PABIR3: variants seen among roughly 807,000 people sequenced by gnomAD.
PABIR3 encodes the protein PABIR family member 1.
PABIR3 carries 20 observed loss-of-function variants against 23.1 expected under a neutral mutation model. The ratio of observed to expected loss-of-function variants is 0.86; its 90% confidence interval spans 0.61 to 1.26. The LOEUF (loss-of-function observed/expected upper bound fraction) is 1.26, where lower values mean the gene tolerates loss of function less well. PABIR3 is among the 50% of genes most tolerant of loss of function. The pLI is 0.00. For synonymous variants in PABIR3, 69 were observed against 68.5 expected (o/e 1.01, Z -0.04); for missense variants, 189 against 195.4 (o/e 0.97, Z 0.20).
intron 3 of PABIR3, among the ~76,000 whole-genome samples, chrX:134,817,449 C>T (rs2081046495): frequency 9.6e-6 from 1 of 104,111 alleles, no homozygotes; most frequent in Non-Finnish European, 2.0e-5. Context: ...GTTTAGGACC[C>T]ACTATGTATT....
chrX:134,855,611 G>A (rs1261084509), downstream of PABIR3, among the ~76,000 whole-genome samples: 3 of 110,568 alleles, frequency 2.7e-5, no homozygotes, highest in African/African-American at 9.8e-5. Flanking sequence ...TCTTTTCATC[G>A]GAAAGAATCA....
At chrX:134,810,578 C>T in intron 2 of PABIR3, 1 of 753,349 alleles carries the variant, frequency 1.3e-6, no homozygotes, top group Non-Finnish European at 1.6e-6. Context: ...AAATGTAGGG[C>T]ATAGTCAGAG....
intron 3 of PABIR3, among the ~76,000 whole-genome samples, chrX:134,825,229 C>T (rs934395117): frequency 1.8e-5 from 2 of 111,880 alleles, no homozygotes; most frequent in Non-Finnish European, 3.8e-5. Context: ...GGACAGATAG[C>T]CTAGTTTTAT....
the PABIR3 span, among the ~76,000 whole-genome samples, chrX:134,863,242 C>T: frequency 9.0e-6 from 1 of 110,709 alleles, no homozygotes; most frequent in African/African-American, 3.3e-5. Context: ...AGGAGCAGGA[C>T]TGAAATAATA....
chrX:134,808,760 G>A (rs1378372333), intron 2 of PABIR3, among the ~76,000 whole-genome samples: 3 of 111,391 alleles, frequency 2.7e-5, no homozygotes, highest in Non-Finnish European at 3.8e-5. Context: ...CAGGGGATCC[G>A]CCTGCCTCAG....
the PABIR3 span, among the ~76,000 whole-genome samples, chrX:134,862,652 C>G: frequency 8.9e-6 from 1 of 111,761 alleles, no homozygotes. Flanking sequence ...CTTGTGTAAT[C>G]AAGAAACAAT....
At chrX:134,814,493 T>A (rs2080856765) in intron 2 of PABIR3, among the ~76,000 whole-genome samples, 2 of 109,647 alleles carry the variant, frequency 1.8e-5, no homozygotes, top group African/African-American at 6.6e-5. Context: ...AGGTCAGGAG[T>A]TCAAGACCAG....
chrX:134,809,886 A>G (rs1053183289), intron 2 of PABIR3: 27 of 752,682 alleles, frequency 3.6e-5, no homozygotes, highest in Non-Finnish European at 4.2e-5. Flanking sequence ...TCACAAAATG[A>G]AAAGCAAACT....
At position 134,847,424 on chromosome X, in the gene PABIR3, T is replaced by C; in HGVS notation, c.387T>C (p.Ile129=). ...AGAAATCATCCTCTCTAAAGTGCAT[T>C]GATTTAACTCCAGTATCCTCAATGG... The part of the protein sequence containing the change: ...GLQKSSSLKC[I]DLTPVSSMAS... Residue 129 remains isoleucine, a synonymous_variant, in exon 7 of 11, where the codon ATT becomes ATC. Transcript: ENST00000645433. 2 of 1,209,131 alleles carry C rather than the reference T, an allele frequency of 1.7e-6. No individual in the cohort carries two copies. The highest frequency in any genetic ancestry group is 3.0e-5 in the East Asian group (1 of 33,806).
At chrX:134,842,239 T>C (rs1475140632) in intron 4 of PABIR3, among the ~76,000 whole-genome samples, 2 of 112,235 alleles carry the variant, frequency 1.8e-5, no homozygotes, top group Non-Finnish European at 3.8e-5. Flanking sequence ...TTTTCAGATA[T>C]ATGATTTGCA....
chrX:134,855,314 A>G (rs936611142), downstream of PABIR3, among the ~76,000 whole-genome samples: 2 of 109,069 alleles, frequency 1.8e-5, no homozygotes, highest in Non-Finnish European at 3.8e-5. Context: ...GGCGCCTGTA[A>G]TCCCAGCTAC....
intron 3 of PABIR3, among the ~76,000 whole-genome samples, chrX:134,828,136 G>A (rs2148247931): frequency 9.5e-6 from 1 of 105,089 alleles, no homozygotes; most frequent in African/African-American, 3.5e-5. Flanking sequence ...GGCCTCAAGT[G>A]ATCCTCTCAA....
intron 2 of PABIR3, chrX:134,810,999 A>G: frequency 1.3e-6 from 1 of 754,246 alleles, no homozygotes; most frequent in South Asian, 6.7e-5. Flanking sequence ...ACCTCTTTCA[A>G]GTAATTTTCG....
intron 4 of PABIR3, among the ~76,000 whole-genome samples, chrX:134,842,440 C>T (rs1267298126): frequency 9.1e-6 from 1 of 110,356 alleles, no homozygotes; most frequent in Non-Finnish European, 1.9e-5. Flanking sequence ...AACCCCGTCT[C>T]TACTAAAAAT....
chrX:134,852,163 T>A (rs777876902), intron 9 of PABIR3, among the ~76,000 whole-genome samples: 2 of 112,229 alleles, frequency 1.8e-5, no homozygotes, highest in East Asian at 5.5e-4. Flanking sequence ...TAAACAGCCT[T>A]ACTACATAGC....
intron 7 of PABIR3, 131 bp from the exon 8 acceptor site, chrX:134,847,752 A>G: frequency 1.9e-6 from 1 of 538,886 alleles, no homozygotes; most frequent in East Asian, 3.6e-5. Flanking sequence ...TCCCACACTC[A>G]AAACAATTTC....
intron 2 of PABIR3, chrX:134,810,213 C>T (rs188115669): frequency 2.7e-6 from 2 of 753,015 alleles, no homozygotes; most frequent in East Asian, 3.0e-4. Flanking sequence ...TGGACCCTTC[C>T]CTAATCCTTA....
At chrX:134,828,047 C>CTCTCTCTATATATATATATA (rs1466733144) in intron 3 of PABIR3, among the ~76,000 whole-genome samples, 2 of 49,420 alleles carry the variant, frequency 4.0e-5, no homozygotes, top group African/African-American at 1.6e-4. Flanking sequence ...CTCTCTCTCT[C>CTCTCTCTATATATATATATA]TATATATATA....
At chrX:134,832,352 T>A (rs1057347235) in intron 4 of PABIR3, among the ~76,000 whole-genome samples, 4 of 107,203 alleles carry the variant, frequency 3.7e-5, no homozygotes, top group African/African-American at 1.4e-4. Flanking sequence ...CTTAACATAA[T>A]GACCTCCAGT....
Sources: gnomAD v4.1 joint callset for allele counts (sites outside exome capture counted in the v4.1 genomes callset) on GRCh38, gnomAD v4.1.1 for gene constraint, MANE v1.5 for transcripts, NCBI Gene and HGNC (gene_info 2026-07-23, HGNC 2026-07-21) for gene names.